ACVR2A: variants seen among roughly 807,000 people sequenced by gnomAD.
ACVR2A encodes activin receptor type-2A.
In ACVR2A, 7 loss-of-function variants were observed where a neutral mutation model predicts 61.4. The ratio of observed to expected loss-of-function variants is 0.11; its 90% CI spans 0.06 to 0.21. The LOEUF (loss-of-function observed/expected upper bound fraction) is 0.21, where lower values mean the gene tolerates loss of function less well. Ranked by LOEUF, ACVR2A falls within the 10% of genes least tolerant of loss-of-function variation. The pLI is 1.00. For synonymous variants in ACVR2A, 193 were observed against 208.3 expected, an observed-to-expected ratio of 0.93 and a Z score of 0.63; for missense variants, 322 against 621.7, an observed-to-expected ratio of 0.52 and a Z score of 5.13.
intron 1 of ACVR2A, among the ~76,000 whole-genome samples, chr2:147,863,065 C>G (rs548581469): frequency 6.6e-6 from 1 of 152,102 alleles, no homozygotes; most frequent in Non-Finnish European, 1.5e-5. Flanking sequence ...AGTGACTTGC[C>G]TAAGGCTATG....
At chr2:147,909,627 C>A (rs1271997953) in intron 4 of ACVR2A, among the ~76,000 whole-genome samples, 2 of 151,868 alleles carry the variant, frequency 1.3e-5, no homozygotes, top group African/African-American at 2.4e-5. Flanking sequence ...TATTTTAGTG[C>A]ATTTTATTTT....
At chr2:147,905,126 C>A (rs1471775472) in intron 4 of ACVR2A, among the ~76,000 whole-genome samples, 1 of 152,070 alleles carries the variant, frequency 6.6e-6, no homozygotes, top group East Asian at 1.9e-4. Flanking sequence ...TTCCCTTTCT[C>A]TGTCACTTTC....
At chr2:147,877,466 A>G (rs1156765239) in intron 1 of ACVR2A, 4 of 152,334 alleles carry the variant, frequency 2.6e-5, no homozygotes, top group Admixed American at 2.6e-4. Context: ...AATAATAGAG[A>G]AAACATTAGC....
chr2:147,924,855 G>C (rs1433979447), intron 9 of ACVR2A, among the ~76,000 whole-genome samples: 2 of 151,786 alleles, frequency 1.3e-5, no homozygotes, highest in African/African-American at 4.8e-5. Context: ...ACCAGTTGAC[G>C]GCAGTGTTGC....
Position 147,928,819 on chromosome 2 carries a change from T to C in ACVR2A, c.*1545T>C, listed in dbSNP as rs1170385459. The C allele has an allele frequency of 1.3e-5, 2 of 152,394 alleles. No homozygotes were observed. Among genetic ancestry groups the C allele is most frequent in the Non-Finnish European group, 2.9e-5 (2 of 67,950 alleles). The allele number at this position is 152,394 out of a possible 1,614,324, so 9.4% of individuals were successfully genotyped here. A position where few individuals can be genotyped will look rare whatever the true frequency, so the allele number is the denominator to read the frequency against. ...TTTATACAGGCCAAAAAGTAAAACA[T>C]TAATTTTCTGAATTTCCAGATTACC... On this transcript the variant is annotated 3_prime_UTR_variant, in exon 11 of 11. Coordinates refer to ENST00000241416, the MANE Select transcript of ACVR2A (RefSeq NM_001616.5).
At chr2:147,851,134 T>TA (rs1216401399) in intron 1 of ACVR2A, among the ~76,000 whole-genome samples, 2 of 152,134 alleles carry the variant, frequency 1.3e-5, no homozygotes, top group Non-Finnish European at 2.9e-5. Context: ...GTGATCTTAT[T>TA]AAAAAATAAA....
intron 7 of ACVR2A, among the ~76,000 whole-genome samples, chr2:147,919,597 A>G (rs964511039): frequency 6.6e-6 from 1 of 152,144 alleles, no homozygotes; most frequent in Non-Finnish European, 1.5e-5. Context: ...GGGTATAGTA[A>G]TCTCTAGGAT....
rs536376843 is a variant in ACVR2A, at chr2:147,860,099, A to T, written c.55+14892A>T. Among the ~76,000 whole-genome samples the T allele has an allele frequency of 2.0e-5, 3 of 152,264 alleles. No individual in the cohort carries two copies. In the South Asian group the frequency reaches 6.2e-4, roughly 32 times the overall value. On this transcript the variant is annotated intron_variant, in intron 1 of 10. Coordinates refer to ENST00000241416, the MANE Select transcript of ACVR2A (RefSeq NM_001616.5). ...GGTTAGGAACTCAGTAGAAAGGATG[A>T]CGTAGTATGTAAGAAAGGAGGGATT...
chr2:147,894,936 A>C (rs572187396), intron 1 of ACVR2A, among the ~76,000 whole-genome samples: 6 of 152,258 alleles, frequency 3.9e-5, no homozygotes, highest in African/African-American at 1.2e-4. Context: ...GTGTCAGTCT[A>C]CACATATGTG....
At chr2:147,911,771 T>G (rs1687122865) in intron 4 of ACVR2A, among the ~76,000 whole-genome samples, 1 of 152,068 alleles carries the variant, frequency 6.6e-6, no homozygotes, top group African/African-American at 2.4e-5. Flanking sequence ...TTTAAGAGAC[T>G]GAGAGTATTT....
chr2:147,900,212 T>C (rs941630197), intron 4 of ACVR2A, among the ~76,000 whole-genome samples: 7 of 152,104 alleles, frequency 4.6e-5, no homozygotes, highest in Admixed American at 3.9e-4. Flanking sequence ...GATGGAGAAG[T>C]GAAATCATAA....
intron 4 of ACVR2A, among the ~76,000 whole-genome samples, chr2:147,908,038 CA>C (rs1200221673): frequency 1.7e-3 from 114 of 67,006 alleles, no homozygotes; most frequent in Admixed American, 2.4e-3. Context: ...GACTCTGTTT[CA>C]AAAAAAAAAA....
chr2:147,872,098 A>G (rs1046743998), intron 1 of ACVR2A, among the ~76,000 whole-genome samples: 3 of 152,022 alleles, frequency 2.0e-5, no homozygotes, highest in Admixed American at 1.3e-4. Context: ...TATGGAGCCC[A>G]TGGTTTGATA....
intron 1 of ACVR2A, among the ~76,000 whole-genome samples, chr2:147,869,406 AC>A (rs1338324422): frequency 2.6e-5 from 4 of 152,216 alleles, no homozygotes; most frequent in Admixed American, 1.3e-4. Flanking sequence ...TGATTGCAAG[AC>A]CCTCGCAGTT....
chr2:147,867,923 T>G (rs1685906674), intron 1 of ACVR2A, among the ~76,000 whole-genome samples: 1 of 152,180 alleles, frequency 6.6e-6, no homozygotes, highest in Non-Finnish European at 1.5e-5. Flanking sequence ...ATTTTGTACT[T>G]CCTGCAATTA....
intron 4 of ACVR2A, among the ~76,000 whole-genome samples, chr2:147,907,140 T>C (rs1687006900): frequency 6.6e-6 from 1 of 152,128 alleles, no homozygotes; most frequent in South Asian, 2.1e-4. Flanking sequence ...GGCTTCCAGC[T>C]TCATCCATGT....
chr2:147,863,162 C>A (rs114038112), intron 1 of ACVR2A, among the ~76,000 whole-genome samples: 34 of 152,238 alleles, frequency 2.2e-4, no homozygotes, highest in African/African-American at 8.2e-4. Context: ...GTTACCAATT[C>A]CAGGACTGTG....
chr2:147,901,881 T>C (rs576882770), intron 4 of ACVR2A, among the ~76,000 whole-genome samples: 4 of 152,138 alleles, frequency 2.6e-5, no homozygotes, highest in African/African-American at 9.6e-5. Context: ...AATCTTGTTT[T>C]TGCTGAGAGG....
intron 1 of ACVR2A, among the ~76,000 whole-genome samples, chr2:147,867,753 A>G (rs1372006605): frequency 6.6e-6 from 1 of 152,160 alleles, no homozygotes; most frequent in African/African-American, 2.4e-5. Context: ...TCACTTACAA[A>G]TGGTGAAAGT....
Sources: gnomAD v4.1 joint callset for allele counts (sites outside exome capture counted in the v4.1 genomes callset) on GRCh38, gnomAD v4.1.1 for gene constraint, MANE v1.5 for transcripts, NCBI Gene and HGNC (gene_info 2026-07-23, HGNC 2026-07-21) for gene names.